SAMMSON: variants seen among roughly 807,000 people sequenced by gnomAD.
SAMMSON encodes the protein survival associated mitochondrial melanoma specific oncogenic non-coding RNA, also known as long intergenic non-protein coding RNA 1212.
chr3:70,190,975 T>C (rs1022017312), intron 4 of SAMMSON, among the ~76,000 whole-genome samples: 1 of 152,236 alleles, frequency 6.6e-6, no homozygotes, highest in African/African-American at 2.4e-5. Flanking sequence ...CCCCTAGTAT[T>C]GCCAACTACA....
chr3:70,279,047 C>A (rs1211101424), intron 6 of SAMMSON, among the ~76,000 whole-genome samples: 2 of 150,432 alleles, frequency 1.3e-5, no homozygotes, highest in African/African-American at 2.4e-5. Flanking sequence ...CCTTGTCAAG[C>A]TTTCTCCCTT....
intron 7 of SAMMSON, among the ~76,000 whole-genome samples, chr3:70,328,701 A>G (rs1195478100): frequency 6.6e-6 from 1 of 152,186 alleles, no homozygotes; most frequent in Non-Finnish European, 1.5e-5. Context: ...AGTCTAATAT[A>G]TGAGTAATTG....
chr3:70,401,578 A>G (rs906323247), intron 2 of SAMMSON, among the ~76,000 whole-genome samples: 5 of 149,488 alleles, frequency 3.3e-5, no homozygotes, highest in Admixed American at 6.6e-5. Flanking sequence ...CCAATTTCCA[A>G]TACTACTTTT....
At chr3:70,202,379 T>C (rs1222560626) in intron 4 of SAMMSON, among the ~76,000 whole-genome samples, 1 of 152,184 alleles carries the variant, frequency 6.6e-6, no homozygotes, top group African/African-American at 2.4e-5. Context: ...TTCATACCAG[T>C]GCACTAGTAG....
At chr3:70,165,898 C>T (rs1321433684) in intron 4 of SAMMSON, among the ~76,000 whole-genome samples, 1 of 151,976 alleles carries the variant, frequency 6.6e-6, no homozygotes, top group African/African-American at 2.4e-5. Context: ...CAGGAGGTAC[C>T]ATGAAGTGGA....
rs559782961 is a variant in SAMMSON at position 70,402,678 on chromosome 3, A to G, written n.233+44354A>G. ...GGAGTTCAAGACCAGCCTGGCCAAC[A>G]TGGTAAAACCTCACCTCTACTAAAA... On this transcript the variant is annotated intron_variant and non_coding_transcript_variant, in intron 2 of 3. Coordinates refer to the SAMMSON transcript ENST00000641053. 2.0e-5 allele frequency among the ~76,000 whole-genome samples: 3 copies of G among 152,266 alleles called. No individual in the cohort carries two copies. In the South Asian group the frequency reaches 6.2e-4, roughly 32 times the overall value.
intron 4 of SAMMSON, among the ~76,000 whole-genome samples, chr3:70,087,568 A>G (rs923680885): frequency 2.6e-5 from 4 of 152,210 alleles, no homozygotes; most frequent in Non-Finnish European, 4.4e-5. Context: ...TGGTATAGCC[A>G]CGCATGTTCT....
chr3:70,168,951 T>C (rs2067648975), intron 4 of SAMMSON, among the ~76,000 whole-genome samples: 1 of 151,982 alleles, frequency 6.6e-6, no homozygotes, highest in African/African-American at 2.4e-5. Flanking sequence ...ATTCAATAGC[T>C]GTGTGTTGAA....
At chr3:70,356,085 A>T (rs1055739052) in intron 8 of SAMMSON, among the ~76,000 whole-genome samples, 1 of 152,184 alleles carries the variant, frequency 6.6e-6, no homozygotes, top group Non-Finnish European at 1.5e-5. Context: ...AATTCCTAAC[A>T]CTTGATTACT....
chr3:70,165,295 C>T (rs1042549347), intron 4 of SAMMSON, among the ~76,000 whole-genome samples: 4 of 151,946 alleles, frequency 2.6e-5, no homozygotes, highest in African/African-American at 7.2e-5. Context: ...TGTCTGTGTC[C>T]TCCCCAGATT....
intron 4 of SAMMSON, among the ~76,000 whole-genome samples, chr3:70,105,693 C>CA (rs1032728528): frequency 6.6e-6 from 1 of 152,112 alleles, no homozygotes; most frequent in African/African-American, 2.4e-5. Context: ...AATGAAAAAG[C>CA]AAATTTTTAG....
intron 4 of SAMMSON, among the ~76,000 whole-genome samples, chr3:70,121,690 A>G (rs2067434149): frequency 6.6e-6 from 1 of 152,168 alleles, no homozygotes; most frequent in Non-Finnish European, 1.5e-5. Context: ...CAGCAAACAA[A>G]CAAAATAGTG....
At chr3:70,364,566 A>C (rs1007439863) in intron 9 of SAMMSON, among the ~76,000 whole-genome samples, 9 of 151,874 alleles carry the variant, frequency 5.9e-5, no homozygotes, top group African/African-American at 2.2e-4. Flanking sequence ...AATGCAAGAC[A>C]TTCACTAAGA....
intron 4 of SAMMSON, among the ~76,000 whole-genome samples, chr3:70,182,136 G>C (rs1701058024): frequency 1.3e-5 from 2 of 152,082 alleles, no homozygotes; most frequent in South Asian, 4.1e-4. Flanking sequence ...TAGGAAGCAG[G>C]TGTCTAATGG....
chr3:70,211,895 G>GTCCTT (rs138398263), intron 4 of SAMMSON, among the ~76,000 whole-genome samples: 8,355 of 132,154 alleles, frequency 0.063, 273 homozygotes, highest in South Asian at 0.11. Flanking sequence ...CCTTCCCTTT[G>GTCCTT]TCCTTTCCTT....
chr3:70,358,122 T>C (rs1702843741), intron 8 of SAMMSON: 1 of 152,172 alleles, frequency 6.6e-6, no homozygotes, highest in African/African-American at 2.4e-5. Context: ...AAATAAAGTA[T>C]ATTGACTTAT....
In SAMMSON at chr3:70,150,035, C is replaced by T. The variant is rs113002048; in HGVS notation, n.507+78470C>T. On this transcript the variant is annotated intron_variant and non_coding_transcript_variant, in intron 4 of 9. Coordinates refer to ENST00000642114, the Ensembl canonical transcript of SAMMSON. The stretch of plus-strand genomic sequence containing the variant: ...CTCCTTTTTTTCTTTTTTAAATTTC[C>T]AATTGGTAGTTATTGTCTCGTGGTG... 6.6e-4 allele frequency among the ~76,000 whole-genome samples: 100 copies of T among 151,906 alleles called. 2 individuals carry two copies. Among genetic ancestry groups the T allele is most frequent in the South Asian group, 4.2e-3 (20 of 4,814 alleles).
At chr3:70,002,008 G>A (rs1208883482) in intron 1 of SAMMSON, among the ~76,000 whole-genome samples, 1 of 152,120 alleles carries the variant, frequency 6.6e-6, no homozygotes, top group East Asian at 1.9e-4. Flanking sequence ...GTTAACCAAA[G>A]ACATACAGTA....
intron 7 of SAMMSON, among the ~76,000 whole-genome samples, chr3:70,307,511 C>A (rs755389123): frequency 2.9e-4 from 44 of 152,066 alleles, no homozygotes; most frequent in Admixed American, 1.2e-3. Context: ...ATTTCCCCCC[C>A]CAATTTCTAT....
Sources: gnomAD v4.1 joint callset for allele counts (sites outside exome capture counted in the v4.1 genomes callset) on GRCh38, gnomAD v4.1.1 for gene constraint, MANE v1.5 for transcripts, NCBI Gene and HGNC (gene_info 2026-07-23, HGNC 2026-07-21) for gene names.